The following VEGFC variants were observed in gnomAD, a reference collection of about 807,000 sequenced individuals.
VEGFC encodes the protein FLT4 ligand DHM.
A neutral mutation model predicts 46.1 loss-of-function variants in VEGFC; 12 were observed. The ratio of observed to expected loss-of-function variants is 0.26; its 90% CI spans 0.17 to 0.42. The LOEUF (loss-of-function observed/expected upper bound fraction) is 0.42, where lower values mean the gene tolerates loss of function less well. VEGFC is among the 10% of genes least tolerant of loss of function. The pLI is 1.00. For synonymous variants in VEGFC, 232 were observed against 195.5 expected, an observed-to-expected ratio of 1.19 and a Z score of -1.56; for missense variants, 488 against 529.4, an observed-to-expected ratio of 0.92 and a Z score of 0.77.
At chr4:176,756,097 A>G (rs559752712) in intron 1 of VEGFC, among the ~76,000 whole-genome samples, 96 of 152,152 alleles carry the variant, frequency 6.3e-4, no homozygotes, top group African/African-American at 2.1e-3. Context: ...TCTGCCACTG[A>G]AATAACTGGA....
intron 4 of VEGFC, among the ~76,000 whole-genome samples, chr4:176,708,489 G>A (rs932388955): frequency 1.3e-5 from 2 of 152,036 alleles, no homozygotes; most frequent in African/African-American, 4.8e-5. Flanking sequence ...AATTTTATGG[G>A]GAAAGTGATT....
At chr4:176,776,328 A>C (rs1381134441) in intron 1 of VEGFC, among the ~76,000 whole-genome samples, 1 of 152,238 alleles carries the variant, frequency 6.6e-6, no homozygotes, top group East Asian at 1.9e-4. Flanking sequence ...TTCTCTTATG[A>C]GCAAGAACTA....
chr4:176,781,625 T>G (rs978535543), intron 1 of VEGFC, among the ~76,000 whole-genome samples: 3 of 152,200 alleles, frequency 2.0e-5, no homozygotes, highest in African/African-American at 7.2e-5. Flanking sequence ...TGTGGTCACT[T>G]CAGTTAAAAC....
chr4:176,780,151 G>A (rs995571357), intron 1 of VEGFC, among the ~76,000 whole-genome samples: 1 of 151,990 alleles, frequency 6.6e-6, no homozygotes, highest in Non-Finnish European at 1.5e-5. Context: ...AGGCAGAGGC[G>A]GGCAGGTCAC....
At chr4:176,761,271 A>G (rs1025484428) in intron 1 of VEGFC, among the ~76,000 whole-genome samples, 8 of 152,222 alleles carry the variant, frequency 5.3e-5, no homozygotes, top group African/African-American at 1.9e-4. Flanking sequence ...TTAAGTCCTC[A>G]GCGAACATTC....
rs7670465 is a variant in VEGFC, at chr4:176,725,449, G to A, written c.552+2329C>T. 6.7e-3 allele frequency among the ~76,000 whole-genome samples: 1,021 copies of A among 152,262 alleles called. 6 individuals carry two copies. The highest frequency in any genetic ancestry group is 0.022 in the African/African-American group (931 of 41,552). Reference sequence around the variant, plus strand: ...CTCCTCAGCAGCTGAGACCACAGGCGTGAGCCACCATGCCTAGCCATAGAT... The same window carrying A: ...CTCCTCAGCAGCTGAGACCACAGGCATGAGCCACCATGCCTAGCCATAGAT... On this transcript the variant is annotated intron_variant, in intron 3 of 6. Transcript: ENST00000618562.
chr4:176,784,870 GC>G (rs1735976424), intron 1 of VEGFC, among the ~76,000 whole-genome samples: 1 of 151,456 alleles, frequency 6.6e-6, no homozygotes, highest in South Asian at 2.1e-4. Flanking sequence ...CTACAAAGAA[GC>G]AGAGAGAAAC....
At chr4:176,756,145 A>C (rs1735429455) in intron 1 of VEGFC, among the ~76,000 whole-genome samples, 1 of 152,156 alleles carries the variant, frequency 6.6e-6, no homozygotes, top group African/African-American at 2.4e-5. Context: ...TGACTTTTTA[A>C]ATCTATTAAG....
intron 4 of VEGFC, among the ~76,000 whole-genome samples, chr4:176,709,240 G>A (rs1734582674): frequency 6.6e-6 from 1 of 152,098 alleles, no homozygotes; most frequent in Admixed American, 6.6e-5. Flanking sequence ...GTAAAATAAG[G>A]CAAATGCTGC....
At chr4:176,769,403 A>T (rs1311048083) in intron 1 of VEGFC, among the ~76,000 whole-genome samples, 6 of 152,126 alleles carry the variant, frequency 3.9e-5, no homozygotes, top group Non-Finnish European at 7.4e-5. Context: ...CTCACCTGTG[A>T]CCATCACAGA....
Position 176,792,559 on chromosome 4 carries a change from G to A in VEGFC, c.-248C>T, listed in dbSNP as rs531383056. ...CAGGTAAAAGCCTCACAGGAAACCGGACATCCGAGCTCCCCGCATTCGGAG... is the reference window on the plus strand; with the variant it reads ...CAGGTAAAAGCCTCACAGGAAACCGAACATCCGAGCTCCCCGCATTCGGAG... On this transcript the variant is annotated 5_prime_UTR_variant, in exon 1 of 7. Coordinates refer to ENST00000618562, the MANE Select transcript of VEGFC (RefSeq NM_005429.5). The surrounding 1 kb of genome is among the most constrained non-coding windows in gnomAD (Gnocchi z 6.3). 6.2e-5 allele frequency: 23 copies of A among 368,316 alleles called. No individual in the cohort carries two copies. In the East Asian group the frequency reaches 9.7e-4, roughly 16 times the overall value. The allele number at this position is 368,316 out of a possible 1,614,324, so 22.8% of individuals were successfully genotyped here.
At chr4:176,739,962 CG>C (rs1735128383) in intron 1 of VEGFC, among the ~76,000 whole-genome samples, 1 of 16,728 alleles carries the variant, frequency 6.0e-5, no homozygotes, top group African/African-American at 9.5e-5. Context: ...ACTATATATT[CG>C]ATATATCGAA....
At chr4:176,708,667 C>T (rs943978136) in intron 4 of VEGFC, among the ~76,000 whole-genome samples, 1 of 152,004 alleles carries the variant, frequency 6.6e-6, no homozygotes, top group Non-Finnish European at 1.5e-5. Context: ...TCTCTAATAT[C>T]GACATATATA....
intron 4 of VEGFC, among the ~76,000 whole-genome samples, chr4:176,688,789 G>A (rs1002298531): frequency 3.3e-5 from 5 of 152,140 alleles, no homozygotes; most frequent in Non-Finnish European, 4.4e-5. Flanking sequence ...CCTCTCTGGG[G>A]TGAACATATA....
At chr4:176,708,200 G>C (rs1445198515) in intron 4 of VEGFC, among the ~76,000 whole-genome samples, 2 of 151,314 alleles carry the variant, frequency 1.3e-5, no homozygotes, top group Non-Finnish European at 2.9e-5. Flanking sequence ...TATTATATTT[G>C]TATTATATAT....
chr4:176,725,435 C>A (rs1247135246), intron 3 of VEGFC, among the ~76,000 whole-genome samples: 3 of 152,170 alleles, frequency 2.0e-5, no homozygotes, highest in Non-Finnish European at 4.4e-5. Flanking sequence ...TCCTCAGCAG[C>A]TGAGACCACA....
At chr4:176,694,177 A>G (rs1391001433) in intron 4 of VEGFC, among the ~76,000 whole-genome samples, 13 of 151,952 alleles carry the variant, frequency 8.6e-5, no homozygotes, top group African/African-American at 2.9e-4. Context: ...TAAAAGACAC[A>G]GACTGGCAAA....
In VEGFC at chr4:176,697,600, G is replaced by A. The variant is rs1489134133; in HGVS notation, c.705-9673C>T. ...GGCGATTCCTCAGGGATCTAGAACTGGAAATACCATTTGACCCAGCCATCC... is the reference window on the plus strand; with the variant it reads ...GGCGATTCCTCAGGGATCTAGAACTAGAAATACCATTTGACCCAGCCATCC... On this transcript the variant is annotated intron_variant, in intron 4 of 6. Transcript: ENST00000618562. 3.1e-4 allele frequency among the ~76,000 whole-genome samples: 46 copies of A among 150,462 alleles called. 1 individual carries two copies. Among genetic ancestry groups the A allele is most frequent in the Admixed American group, 3.0e-3 (45 of 15,014 alleles).
chr4:176,686,534 GA>G (rs959587795), intron 6 of VEGFC, among the ~76,000 whole-genome samples: 1 of 152,188 alleles, frequency 6.6e-6, no homozygotes, highest in Non-Finnish European at 1.5e-5. Context: ...GGAATGTGGA[GA>G]AAATGTCAAA....
Sources: gnomAD v4.1 joint callset for allele counts (sites outside exome capture counted in the v4.1 genomes callset) on GRCh38, gnomAD v4.1.1 for gene constraint, Gnocchi (gnomAD v3.1) non-coding constraint, MANE v1.5 for transcripts, NCBI Gene and HGNC (gene_info 2026-07-23, HGNC 2026-07-21) for gene names.